UCHL5: variants seen among roughly 807,000 people sequenced by gnomAD.
UCHL5 encodes ubiquitin C-terminal hydrolase L5, also known as ubiquitin carboxyl-terminal hydrolase isozyme L5.
In UCHL5, 34 loss-of-function variants were observed where a neutral mutation model predicts 53.8. The observed-to-expected ratio is 0.63, with a 90% CI of 0.48 to 0.84. The LOEUF (loss-of-function observed/expected upper bound fraction) is 0.84, where lower values mean the gene tolerates loss of function less well. UCHL5 is among the 40% of genes least tolerant of loss of function. UCHL5 has a pLI of 0.00. For synonymous variants in UCHL5, 111 were observed against 126.3 expected (o/e 0.88, Z 0.81); for missense variants, 290 against 385.6 (o/e 0.75, Z 2.08).
At chr1:193,050,531 G>A (rs951877678) in intron 2 of UCHL5, among the ~76,000 whole-genome samples, 3 of 151,502 alleles carry the variant, frequency 2.0e-5, no homozygotes, top group Non-Finnish European at 4.4e-5. Flanking sequence ...CCAGGAGTTC[G>A]AGACCAGCCT....
chr1:193,054,303 G>C (rs1305414576), intron 1 of UCHL5, among the ~76,000 whole-genome samples: 2 of 152,182 alleles, frequency 1.3e-5, no homozygotes, highest in African/African-American at 4.8e-5. Context: ...TTAACTGCTA[G>C]GTATGCTATG....
At chr1:193,049,902 T>C (rs528521629) in intron 2 of UCHL5, 51 bp from the exon 3 acceptor site, 2 of 1,455,616 alleles carry the variant, frequency 1.4e-6, no homozygotes, top group Admixed American at 2.2e-5. Flanking sequence ...TCTTTCATAA[T>C]ACATTGTTAA....
rs191792556 is a variant in UCHL5, at chr1:193,038,239, G to A, written c.247-8582C>T. ...TGGGAGGCCGAGGCGGGCAGATTAC[G>A]AGGTCAGGAGATCAAGACCATCCTG... is the stretch of plus-strand genomic sequence containing the variant. On this transcript the variant is annotated intron_variant, in intron 3 of 10. Transcript: ENST00000367454. Among the ~76,000 whole-genome samples the A allele has an allele frequency of 1.3e-3, 191 of 151,686 alleles. 1 individual carries two copies. The highest frequency in any genetic ancestry group is 0.011 in the Admixed American group (175 of 15,262).
intron 3 of UCHL5, among the ~76,000 whole-genome samples, chr1:193,040,637 G>T (rs1336136395): frequency 2.0e-5 from 3 of 152,162 alleles, no homozygotes; most frequent in African/African-American, 7.2e-5. Flanking sequence ...ATCCACTACT[G>T]GGTATACAGA....
chr1:193,022,782 C>A, intron 9 of UCHL5, 144 bp downstream of exon 9: 1 of 357,126 alleles, frequency 2.8e-6, no homozygotes. Flanking sequence ...CACTACTTAT[C>A]TTTGTAGTGA....
intron 3 of UCHL5, among the ~76,000 whole-genome samples, chr1:193,037,167 C>T (rs539004288): frequency 6.6e-6 from 1 of 151,152 alleles, no homozygotes; most frequent in African/African-American, 2.4e-5. Context: ...TCAATGAAAT[C>T]GAGACTTAAA....
chr1:193,056,958 T>C (rs1317936481), intron 1 of UCHL5, among the ~76,000 whole-genome samples: 1 of 152,222 alleles, frequency 6.6e-6, no homozygotes, highest in Non-Finnish European at 1.5e-5. Context: ...AGAAGATGAA[T>C]TTATATATCA....
upstream of UCHL5, chr1:193,059,580 G>A (rs902958268): frequency 3.0e-5 from 45 of 1,481,070 alleles, no homozygotes; most frequent in Non-Finnish European, 4.1e-5. The surrounding 1 kb of genome is among the most constrained non-coding windows in gnomAD (Gnocchi z 4.9). Context: ...CGCCCCTCTG[G>A]GGCGGAGGCG....
intron 3 of UCHL5, among the ~76,000 whole-genome samples, chr1:193,032,956 G>A (rs952380696): frequency 2.8e-4 from 43 of 152,220 alleles, no homozygotes; most frequent in African/African-American, 8.2e-4. Flanking sequence ...AACCATTGTG[G>A]AAGACAGTGT....
rs571212932 is a variant in UCHL5, at chr1:193,038,914, T to C, written c.247-9257A>G. Among the ~76,000 whole-genome samples the C allele has an allele frequency of 2.0e-5, 3 of 152,298 alleles. No homozygotes were observed. In the South Asian group the frequency reaches 6.2e-4, roughly 32 times the overall value. On this transcript the variant is annotated intron_variant, in intron 3 of 10. Coordinates refer to ENST00000367454, the MANE Select transcript of UCHL5 (RefSeq NM_001199261.3). ...GGGAGGCTGAGGCAGGAGGATTGCT[T>C]GAGCCCAGGAGCACAAGGTTATAGT... is the stretch of plus-strand genomic sequence containing the variant.
chr1:193,038,372 C>T (rs1411906237), intron 3 of UCHL5, among the ~76,000 whole-genome samples: 3 of 150,124 alleles, frequency 2.0e-5, no homozygotes, highest in East Asian at 4.0e-4. Flanking sequence ...AGGAGAATGG[C>T]GTGAACCGGG....
At chr1:193,036,309 C>T (rs1469301788) in intron 3 of UCHL5, among the ~76,000 whole-genome samples, 1 of 92,220 alleles carries the variant, frequency 1.1e-5, no homozygotes, top group Non-Finnish European at 2.0e-5. Context: ...TTCTGTGCAA[C>T]TGGAAACCAA....
Position 193,025,150 on chromosome 1 carries a change from A to G in UCHL5, c.630-1204T>C, listed in dbSNP as rs567683244. 6.0e-4 allele frequency among the ~76,000 whole-genome samples: 91 copies of G among 152,334 alleles called. No individual in the cohort carries two copies. The Middle Eastern group carries it at 0.01, about 17-fold the overall frequency. On this transcript the variant is annotated intron_variant, in intron 7 of 10. Transcript: ENST00000367454. ...AAATACCAACAGGCACAGACAAAAA[A>G]AAGCCCCAACAAAAGTCTGCTCTCT...
chr1:193,054,045 G>A (rs569238099), intron 1 of UCHL5, among the ~76,000 whole-genome samples: 97 of 148,150 alleles, frequency 6.5e-4, no homozygotes, highest in Non-Finnish European at 1.1e-3. Flanking sequence ...AAACTGTCAT[G>A]GATAAATGAA....
At chr1:193,020,948 C>A in intron 10 of UCHL5, 149 bp downstream of exon 10, 1 of 596,440 alleles carries the variant, frequency 1.7e-6, no homozygotes, top group South Asian at 2.1e-5. Flanking sequence ...CTAATTCTTA[C>A]AGAGTAGAAA....
chr1:193,031,521 G>A (rs1661390916), intron 3 of UCHL5, among the ~76,000 whole-genome samples: 1 of 152,110 alleles, frequency 6.6e-6, no homozygotes, highest in Admixed American at 6.5e-5. Flanking sequence ...GTATGTGTCT[G>A]TGAGAAGAAA....
rs1418650014 is a variant in UCHL5, at chr1:193,023,910, G to A, written c.666C>T (p.Ala222=). 2 of 1,612,138 alleles carry A rather than the reference G, an allele frequency of 1.2e-6. No homozygotes were observed. Among genetic ancestry groups the A allele is most frequent in the African/African-American group, 2.7e-5 (2 of 74,882 alleles). The change falls in exon 8 of 11, where the codon GCC becomes GCT. Residue 222 remains alanine, a synonymous_variant. Coordinates refer to ENST00000367454, the MANE Select transcript of UCHL5 (RefSeq NM_001199261.3). Reference sequence around the variant, plus strand: ...ATATCATTTTTCTGTCAGACACAATGGCCATTAAATTAAATCGAATTTCAC... The same window carrying A: ...ATATCATTTTTCTGTCAGACACAATAGCCATTAAATTAAATCGAATTTCAC... ...SEGEIRFNLM[A]IVSDRKMIYE...
intron 10 of UCHL5, chr1:193,019,903 C>T (rs1338552849): frequency 1.4e-5 from 14 of 968,682 alleles, no homozygotes; most frequent in Non-Finnish European, 1.7e-5. Flanking sequence ...TGATGTATCA[C>T]ATATTTAGCA....
chr1:193,059,564 G>A (rs1376343543), upstream of UCHL5: 11 of 1,516,538 alleles, frequency 7.3e-6, no homozygotes, highest in Non-Finnish European at 9.8e-6. The surrounding 1 kb of genome is among the most constrained non-coding windows in gnomAD (Gnocchi z 4.9). Flanking sequence ...CAACATCCGG[G>A]ATCCTCGCCC....
Sources: gnomAD v4.1 joint callset for allele counts (sites outside exome capture counted in the v4.1 genomes callset) on GRCh38, gnomAD v4.1.1 for gene constraint, Gnocchi (gnomAD v3.1) non-coding constraint, MANE v1.5 for transcripts, NCBI Gene and HGNC (gene_info 2026-07-23, HGNC 2026-07-21) for gene names.